The following RNF11 variants were observed in gnomAD, a reference collection of about 807,000 sequenced individuals.
The protein encoded by RNF11 is ring finger protein 11.
A neutral mutation model predicts 15.8 loss-of-function variants in RNF11; 4 were observed. That is an observed-to-expected ratio of 0.25 (90% confidence interval 0.12 to 0.58). RNF11 has a LOEUF of 0.58. Among genes scored for constraint, RNF11 ranks in the 20% least tolerant of loss-of-function variants. The pLI, the probability that RNF11 is intolerant of heterozygous loss-of-function variation, is 0.91. For missense variants in RNF11, 139 were observed against 194.4 expected, an observed-to-expected ratio of 0.71 and a Z score of 1.70; for synonymous variants, 68 against 72.3, an observed-to-expected ratio of 0.94 and a Z score of 0.30.
chr1:51,238,907 T>C (rs1387411916), intron 1 of RNF11, among the ~76,000 whole-genome samples: 2 of 152,108 alleles, frequency 1.3e-5, no homozygotes, highest in Non-Finnish European at 2.9e-5. Context: ...TTTTTGTATT[T>C]TTAGTAAAGA....
chr1:51,254,242 C>T (rs1373795129), intron 1 of RNF11, among the ~76,000 whole-genome samples: 1 of 151,916 alleles, frequency 6.6e-6, no homozygotes, highest in African/African-American at 2.4e-5. Context: ...AACATGGTCT[C>T]CTTGATTAGA....
rs775506390 is a variant in RNF11 at position 51,271,256 on chromosome 1, C to G, written c.399C>G (p.Ser133=). The G allele has an allele frequency of 1.2e-6, 2 of 1,614,108 alleles. No homozygotes were observed. Among genetic ancestry groups the G allele is most frequent in the Non-Finnish European group, 1.7e-6 (2 of 1,179,996 alleles). ...GTATAGATGACTGGTTGATGAGATC[C>G]TTCACGTGCCCCTCCTGCATGGAGC... is the stretch of plus-strand genomic sequence containing the variant. The part of the protein sequence containing the change: ...LDCIDDWLMR[S]FTCPSCMEPV... Residue 133 remains serine (S), a synonymous_variant, in exon 3 of 3, where the codon TCC becomes TCG. Coordinates refer to ENST00000242719, the MANE Select transcript of RNF11 (RefSeq NM_014372.5).
chr1:51,270,492 A>G (rs1412346789), intron 2 of RNF11, among the ~76,000 whole-genome samples: 1 of 152,206 alleles, frequency 6.6e-6, no homozygotes, highest in Non-Finnish European at 1.5e-5. Flanking sequence ...ACGCGCCTGT[A>G]ATCCCAACCA....
chr1:51,257,162 T>C (rs745951136), intron 1 of RNF11, among the ~76,000 whole-genome samples: 31 of 152,184 alleles, frequency 2.0e-4, no homozygotes, highest in Non-Finnish European at 4.0e-4. Flanking sequence ...TGGGACAGGA[T>C]GGCTGGAGGG....
chr1:51,255,441 G>A (rs1569669697), intron 1 of RNF11, among the ~76,000 whole-genome samples: 1 of 152,040 alleles, frequency 6.6e-6, no homozygotes, highest in South Asian at 2.1e-4. Flanking sequence ...TGTCTTTTTG[G>A]CAGAGACAAG....
rs1320751439 is a variant in RNF11 at position 51,269,899 on chromosome 1, A to T, written c.124-57A>T. ...TCCCTTCTATCTCTGACCAAAAAAT[A>T]AGCCCTCGAAAGGTTTTTAAAAAAT... On this transcript the variant is annotated intron_variant, in intron 1 of 2. Coordinates refer to ENST00000242719, the MANE Select transcript of RNF11 (RefSeq NM_014372.5). 6 of 1,473,954 alleles carry T rather than the reference A, an allele frequency of 4.1e-6. No individual in the cohort carries two copies. The Admixed American group carries it at 1.2e-4, about 29-fold the overall frequency. The allele number at this position is 1,473,954 out of a possible 1,614,324, so 91.3% of individuals were successfully genotyped here. A position where few individuals can be genotyped will look rare whatever the true frequency, so the allele number is the denominator to read the frequency against.
intron 1 of RNF11, among the ~76,000 whole-genome samples, chr1:51,239,394 C>T (rs951535432): frequency 3.3e-5 from 5 of 151,986 alleles, no homozygotes; most frequent in African/African-American, 4.8e-5. Flanking sequence ...AAGTGAATGA[C>T]GCAGACTAAT....
intron 1 of RNF11, among the ~76,000 whole-genome samples, chr1:51,269,093 A>G (rs575784917): frequency 6.6e-6 from 1 of 152,354 alleles, no homozygotes; most frequent in African/African-American, 2.4e-5. Context: ...CTGAAATCTT[A>G]TAATTTAATT....
intron 1 of RNF11, 41 bp downstream of exon 1, chr1:51,236,920 C>T (rs755113786): frequency 1.3e-6 from 2 of 1,575,908 alleles, no homozygotes; most frequent in Admixed American, 3.6e-5. Context: ...GTAGAGGCAG[C>T]TCTGGCGGAG....
chr1:51,248,096 C>CTTTTTTTTT (rs1157196813), intron 1 of RNF11, among the ~76,000 whole-genome samples: 2 of 91,702 alleles, frequency 2.2e-5, no homozygotes, highest in Non-Finnish European at 2.3e-5. Context: ...CTAGTTTCTT[C>CTTTTTTTTT]TTTTTTTTTT....
In RNF11 at chr1:51,271,226, G is replaced by A; in HGVS notation, c.369G>A (p.Leu123=). The A allele has an allele frequency of 6.2e-7, 1 of 1,613,230 alleles. No individual in the cohort carries two copies. The highest frequency in any genetic ancestry group is 8.5e-7 in the Non-Finnish European group (1 of 1,179,256). The change falls in exon 3 of 3, where the codon CTG becomes CTA. Residue 123 remains leucine (L), a synonymous_variant. Coordinates refer to ENST00000242719, the MANE Select transcript of RNF11 (RefSeq NM_014372.5). Reference sequence around the variant, plus strand: ...TGCCGTGCATGCACATCTATCACCTGGACTGTATAGATGACTGGTTGATGA... The same window carrying A: ...TGCCGTGCATGCACATCTATCACCTAGACTGTATAGATGACTGGTTGATGA... ...RFLPCMHIYH[L]DCIDDWLMRS...
At chr1:51,260,033 G>A (rs1646923232) in intron 1 of RNF11, among the ~76,000 whole-genome samples, 1 of 152,216 alleles carries the variant, frequency 6.6e-6, no homozygotes, top group Non-Finnish European at 1.5e-5. Context: ...TTGCAAGGTG[G>A]TGTTAGGTCC....
In RNF11 at chr1:51,270,077, A is replaced by G. The variant is rs757667007; in HGVS notation, c.245A>G (p.Lys82Arg). Residue 82 changes from lysine (K) to arginine (R), a missense_variant, in exon 2 of 3, where the codon AAA becomes AGA. By Grantham distance (26) the Lys-to-Arg change is conservative (BLOSUM62 2). Coordinates refer to ENST00000242719, the MANE Select transcript of RNF11 (RefSeq NM_014372.5). ...ATAGGTCTTATACAACATCTGCCTA[A>G]AGGAGTTTATGACCCTGGAAGAGAT... The part of the protein sequence containing the change: ...QRIGLIQHLP[K>R]GVYDPGRDGS... The G allele has an allele frequency of 5.6e-6, 9 of 1,613,634 alleles. No individual in the cohort carries two copies. The African/African-American group carries it at 1.2e-4, about 22-fold the overall frequency.
In RNF11 at chr1:51,251,174, G is replaced by T. The variant is rs565843878; in HGVS notation, c.123+14295G>T. 2.6e-6 allele frequency: 4 copies of T among 1,519,266 alleles called. No homozygotes were observed. The East Asian group carries it at 6.8e-5, about 26-fold the overall frequency. 94.1% of individuals were successfully genotyped at this position (1,519,266 alleles called of 1,614,324 possible). ...GCATAATCTTCAAAACCTCATCCTT[G>T]AGAGAGGCCCCCAGGAAAAAGTCAA... On this transcript the variant is annotated intron_variant, in intron 1 of 2. Coordinates refer to ENST00000242719, the MANE Select transcript of RNF11 (RefSeq NM_014372.5).
At chr1:51,252,765 G>T (rs1646885468) in intron 1 of RNF11, among the ~76,000 whole-genome samples, 1 of 151,550 alleles carries the variant, frequency 6.6e-6, no homozygotes, top group African/African-American at 2.4e-5. Flanking sequence ...GTGCTTTTTG[G>T]CCTTTCGGGT....
At chr1:51,266,836 TTTGA>T (rs1646956980) in intron 1 of RNF11, among the ~76,000 whole-genome samples, 1 of 152,228 alleles carries the variant, frequency 6.6e-6, no homozygotes, top group African/African-American at 2.4e-5. Flanking sequence ...ACATAAGTGC[TTTGA>T]TTTAGGTTAT....
At chr1:51,242,325 C>CTTT (rs57821900) in intron 1 of RNF11, among the ~76,000 whole-genome samples, 39 of 131,126 alleles carry the variant, frequency 3.0e-4, no homozygotes, top group African/African-American at 6.8e-4. Flanking sequence ...TTCAAGATAC[C>CTTT]TTTTTTTTTT....
chr1:51,258,129 CG>C (rs1457349539), intron 1 of RNF11, among the ~76,000 whole-genome samples: 2 of 152,122 alleles, frequency 1.3e-5, no homozygotes, highest in African/African-American at 4.8e-5. Flanking sequence ...GCTGGGATTA[CG>C]GGTGTGAGCC....
Position 51,236,666 on chromosome 1 carries a change from C to G in RNF11, c.-91C>G. On this transcript the variant is annotated 5_prime_UTR_variant, in exon 1 of 3. Transcript: ENST00000242719. ...CTGATCCCCGGCCTGTCGCCCGACC[C>G]CACCTCGCCAACCGAGGCGGACCGC... The G allele has an allele frequency of 6.4e-7, 1 of 1,559,412 alleles. No individual in the cohort carries two copies. The highest frequency in any genetic ancestry group is 8.7e-7 in the Non-Finnish European group (1 of 1,143,442).
Sources: gnomAD v4.1 joint callset for allele counts (sites outside exome capture counted in the v4.1 genomes callset) on GRCh38, gnomAD v4.1.1 for gene constraint, MANE v1.5 for transcripts, NCBI Gene and HGNC (gene_info 2026-07-23, HGNC 2026-07-21) for gene names.